Variants in RTTN observed in about 807,000 individuals in gnomAD.
RTTN encodes rotatin.
In RTTN, 182 loss-of-function variants were observed where a neutral mutation model predicts 269.2. The observed-to-expected ratio is 0.68, with a 90% CI of 0.60 to 0.76. The LOEUF (loss-of-function observed/expected upper bound fraction) is 0.76, where lower values mean the gene tolerates loss of function less well. RTTN is among the 30% of genes least tolerant of loss of function. The pLI is 0.00. For missense variants in RTTN, 2,545 were observed against 2,608.6 expected (o/e 0.98, Z 0.53); for synonymous variants, 1,006 against 963.5 (o/e 1.04, Z -0.82).
intron 27 of RTTN, among the ~76,000 whole-genome samples, chr18:70,112,518 T>A: frequency 7.1e-6 from 1 of 140,636 alleles, no homozygotes; most frequent in Non-Finnish European, 1.5e-5. Context: ...GCTACCATCC[T>A]TATCTCTGAT....
chr18:70,165,515 AAG>A (rs1475569900), intron 14 of RTTN, among the ~76,000 whole-genome samples: 1 of 152,008 alleles, frequency 6.6e-6, no homozygotes, highest in Non-Finnish European at 1.5e-5. Flanking sequence ...TAGTACTTAC[AAG>A]AGTGTTAAAT....
chr18:70,007,364 G>C (rs1017832688), intron 46 of RTTN: 1 of 152,830 alleles, frequency 6.5e-6, no homozygotes, highest in African/African-American at 2.4e-5. Flanking sequence ...AGCTGCAGGA[G>C]ATTTTTCATA....
chr18:70,088,182 T>C (rs777753108), intron 30 of RTTN, 35 bp from the exon 31 acceptor site: 2 of 1,566,370 alleles, frequency 1.3e-6, no homozygotes, highest in East Asian at 2.3e-5. Flanking sequence ...TTGAATCAAA[T>C]AAGCCTTTTT....
chr18:70,017,691 A>G lies in RTTN; in HGVS notation c.6154-17T>C. ...GAAGTTACTCTGTGGATAAATAGAGAGAATATTATTTTCTTCTCATCTTTT... is the reference window on the plus strand; with the variant it reads ...GAAGTTACTCTGTGGATAAATAGAGGGAATATTATTTTCTTCTCATCTTTT... On this transcript the variant is annotated splice_polypyrimidine_tract_variant and intron_variant, in intron 45 of 48. Coordinates refer to ENST00000640769, the MANE Select transcript of RTTN (RefSeq NM_173630.4). The G allele has an allele frequency of 6.3e-7, 1 of 1,584,722 alleles. No homozygotes were observed. The highest frequency in any genetic ancestry group is 1.2e-5 in the South Asian group (1 of 86,056).
In RTTN at chr18:70,109,577, G is replaced by A. The variant is rs368042408; in HGVS notation, c.3824C>T (p.Ala1275Val). The change falls in exon 28 of 49, where the codon GCG becomes GTG. Residue 1275 changes from alanine to valine, a missense_variant. By Grantham distance (64) the Ala-to-Val change is moderately conservative. Coordinates refer to ENST00000640769, the MANE Select transcript of RTTN (RefSeq NM_173630.4). ...AGAGTGTGAGCTCCATCCCGGAAAC[G>A]CAGTGAGGTTAGCCATCCCTCGTAA... ...RTLRGMANLT[A>V]FPGWSSHSPL... The A allele has an allele frequency of 1.3e-5, 21 of 1,614,026 alleles. No individual in the cohort carries two copies. The highest frequency in any genetic ancestry group is 5.5e-5 in the South Asian group (5 of 91,074).
chr18:70,188,744 C>T (rs2061603385), intron 9 of RTTN, among the ~76,000 whole-genome samples: 1 of 152,180 alleles, frequency 6.6e-6, no homozygotes, highest in Non-Finnish European at 1.5e-5. Context: ...TCACCTTAAA[C>T]TCAAAAAAAC....
At position 70,103,921 on chromosome 18, in the gene RTTN, T is replaced by A. The variant is rs187418852; in HGVS notation, c.3903+5577A>T. Reference sequence around the variant, plus strand: ...CCTTTCTCTCTGGCTGCCCTTAATATTTTTTCTGTCATTTCAACTTTGGTG... The same window carrying A: ...CCTTTCTCTCTGGCTGCCCTTAATAATTTTTCTGTCATTTCAACTTTGGTG... On this transcript the variant is annotated intron_variant, in intron 28 of 48. Transcript: ENST00000640769. Among the ~76,000 whole-genome samples, 10 of 152,292 alleles carry A rather than the reference T, an allele frequency of 6.6e-5. No individual in the cohort carries two copies. In the East Asian group the frequency reaches 1.9e-3, roughly 29 times the overall value.
At chr18:70,151,579 T>G (rs897026896) in intron 14 of RTTN, among the ~76,000 whole-genome samples, 1 of 152,198 alleles carries the variant, frequency 6.6e-6, no homozygotes, top group African/African-American at 2.4e-5. Context: ...CATATGTATT[T>G]GCATACATTA....
intron 4 of RTTN, among the ~76,000 whole-genome samples, chr18:70,200,245 T>C (rs926350208): frequency 2.6e-5 from 4 of 152,196 alleles, no homozygotes; most frequent in Admixed American, 1.3e-4. Context: ...GTTACTTCTT[T>C]CAAAATTGCT....
intron 47 of RTTN, chr18:70,006,081 T>C (rs371347187): frequency 2.5e-5 from 6 of 239,384 alleles, no homozygotes; most frequent in African/African-American, 1.1e-4. Context: ...GATACGTCTT[T>C]TAGAAGAAAC....
Position 70,052,656 on chromosome 18 carries a change from C to A in RTTN, c.5186-1108G>T, listed in dbSNP as rs866018663. Among the ~76,000 whole-genome samples the A allele has an allele frequency of 4.6e-4, 23 of 50,194 alleles. No individual in the cohort carries two copies. The East Asian group carries it at 7.6e-3, about 16-fold the overall frequency. The allele number at this position is 50,194 out of a possible 152,430, so 32.9% of individuals were successfully genotyped here. On this transcript the variant is annotated intron_variant, in intron 38 of 48. Coordinates refer to ENST00000640769, the MANE Select transcript of RTTN (RefSeq NM_173630.4). ...AATTTATTTACTTATATATATATAT[C>A]ATCACAATGTGTCAATTTACATACA...
intron 14 of RTTN, among the ~76,000 whole-genome samples, chr18:70,158,744 G>A (rs1229405331): frequency 6.6e-6 from 1 of 152,124 alleles, no homozygotes; most frequent in African/African-American, 2.4e-5. Flanking sequence ...ATAGAATGGA[G>A]ATAAAGATCT....
intron 7 of RTTN, among the ~76,000 whole-genome samples, chr18:70,195,407 A>G (rs2061780620): frequency 6.6e-6 from 1 of 151,852 alleles, no homozygotes; most frequent in Non-Finnish European, 1.5e-5. Context: ...TCTCAAGCAA[A>G]CTTGATTGTT....
chr18:70,054,853 G>C (rs963280422), intron 37 of RTTN, among the ~76,000 whole-genome samples: 2 of 151,792 alleles, frequency 1.3e-5, no homozygotes, highest in African/African-American at 4.8e-5. Flanking sequence ...TTTTCAAGTA[G>C]TCAAATTATG....
At chr18:70,202,781 C>T (rs1412174313) in intron 3 of RTTN, among the ~76,000 whole-genome samples, 2 of 152,146 alleles carry the variant, frequency 1.3e-5, no homozygotes, top group Non-Finnish European at 2.9e-5. Context: ...AGACTAATAA[C>T]ATCTCAGTCA....
At chr18:70,029,369 T>C (rs1377106750) in intron 42 of RTTN, among the ~76,000 whole-genome samples, 1 of 152,178 alleles carries the variant, frequency 6.6e-6, no homozygotes, top group Non-Finnish European at 1.5e-5. Flanking sequence ...AATAAGTGGG[T>C]GGCAGATCTT....
intron 46 of RTTN, among the ~76,000 whole-genome samples, chr18:70,015,073 G>C (rs1348310752): frequency 1.3e-5 from 2 of 150,786 alleles, no homozygotes; most frequent in Non-Finnish European, 2.9e-5. Flanking sequence ...AACAAGGAAT[G>C]TTCCAGATCT....
At chr18:70,015,095 T>G (rs77045051) in intron 46 of RTTN, among the ~76,000 whole-genome samples, 1 of 151,838 alleles carries the variant, frequency 6.6e-6, no homozygotes, top group Admixed American at 6.6e-5. Context: ...TTTTTTTTTT[T>G]GGAGATGAAG....
At chr18:70,178,212 G>C (rs113762453) in intron 10 of RTTN, among the ~76,000 whole-genome samples, 1 of 152,176 alleles carries the variant, frequency 6.6e-6, no homozygotes, top group Non-Finnish European at 1.5e-5. Context: ...CTTGGCGACA[G>C]AGCAAGACTC....
Sources: gnomAD v4.1 joint callset for allele counts (sites outside exome capture counted in the v4.1 genomes callset) on GRCh38, gnomAD v4.1.1 for gene constraint, MANE v1.5 for transcripts, NCBI Gene and HGNC (gene_info 2026-07-23, HGNC 2026-07-21) for gene names.